Variants in ACAD9 observed in about 807,000 individuals in gnomAD.
The protein encoded by ACAD9 is complex I assembly factor ACAD9, mitochondrial.
A neutral mutation model predicts 70.2 loss-of-function variants in ACAD9; 53 were observed. That is an observed-to-expected ratio of 0.75 (90% CI 0.61 to 0.95). The LOEUF (loss-of-function observed/expected upper bound fraction) is 0.95, where lower values mean the gene tolerates loss of function less well. Ranked by LOEUF, ACAD9 falls within the 40% of genes least tolerant of loss-of-function variation. ACAD9 has a pLI of 0.00. For synonymous variants in ACAD9, 313 were observed against 312.1 expected, an observed-to-expected ratio of 1.00 and a Z score of -0.03; for missense variants, 777 against 802.8, an observed-to-expected ratio of 0.97 and a Z score of 0.39.
intron 2 of ACAD9, among the ~76,000 whole-genome samples, chr3:128,886,670 T>C (rs936933314): frequency 1.9e-4 from 11 of 57,512 alleles, no homozygotes; most frequent in African/African-American, 1.7e-3. Context: ...ATCGCGCCAC[T>C]GCACTCCAGC....
chr3:128,888,810 T>TC (rs1296171899), intron 2 of ACAD9, among the ~76,000 whole-genome samples: 1 of 152,000 alleles, frequency 6.6e-6, no homozygotes, highest in Non-Finnish European at 1.5e-5. Flanking sequence ...CTGCTTTTTT[T>TC]CCTAGTGTTT....
At chr3:128,911,045 GTGTATGTATGTA>G (rs531719665) in intron 17 of ACAD9, among the ~76,000 whole-genome samples, 3 of 152,282 alleles carry the variant, frequency 2.0e-5, no homozygotes, top group Non-Finnish European at 2.9e-5. Flanking sequence ...ATGTGTGTGT[GTGTATGTATGTA>G]TGTATGTATT....
intron 2 of ACAD9, among the ~76,000 whole-genome samples, chr3:128,891,934 T>C (rs1935432604): frequency 1.3e-5 from 2 of 152,244 alleles, no homozygotes; most frequent in South Asian, 4.1e-4. Context: ...GGATAAACAG[T>C]TGTACACCCA....
chr3:128,909,574 T>A, intron 15 of ACAD9, 153 bp downstream of exon 15: 5 of 831,300 alleles, frequency 6.0e-6, no homozygotes, highest in South Asian at 1.5e-5. Flanking sequence ...CAGGCTGACT[T>A]TGTCAGCCTG....
Position 128,879,826 on chromosome 3 carries a change from A to G in ACAD9, c.135A>G (p.Leu45=). ...PVRAFAKELF[L]GKIKKKEVFP... is the part of the protein sequence containing the mutation. ...GAGCTTTCGCCAAAGAGCTTTTCCT[A>G]GGCAAAATCAAGAAGGTAACGCGAG... The change falls in exon 1 of 18, where the codon CTA becomes CTG. Residue 45 remains leucine, a synonymous_variant. Transcript: ENST00000308982. 1.2e-6 allele frequency: 2 copies of G among 1,614,006 alleles called. No homozygotes were observed. The highest frequency in any genetic ancestry group is 8.5e-7 in the Non-Finnish European group (1 of 1,179,996).
At chr3:128,907,302 G>A (rs1202728336) in intron 12 of ACAD9, among the ~76,000 whole-genome samples, 3 of 152,098 alleles carry the variant, frequency 2.0e-5, no homozygotes, top group Non-Finnish European at 2.9e-5. Flanking sequence ...GTGGACATAC[G>A]GGGCAAGGGC....
intron 8 of ACAD9, 56 bp downstream of exon 8, chr3:128,901,405 G>A (rs951284389): frequency 1.3e-5 from 20 of 1,589,922 alleles, no homozygotes; most frequent in Middle Eastern, 1.7e-4. Context: ...GCAGTTTGTC[G>A]CCCCCAGCTT....
At chr3:128,899,261 T>A (rs754854266) in intron 6 of ACAD9, 26 bp from the exon 7 acceptor site, 1 of 1,613,772 alleles carries the variant, frequency 6.2e-7, no homozygotes, top group Admixed American at 1.7e-5. Context: ...TTTGGTTTTC[T>A]CCAAAGTCCA....
intron 13 of ACAD9, chr3:128,908,767 T>A: frequency 2.8e-6 from 2 of 704,302 alleles, no homozygotes; most frequent in Non-Finnish European, 4.8e-6. Flanking sequence ...CCACCCCTCA[T>A]GGGGGAGCAT....
rs776862504 is a variant in ACAD9, at chr3:128,902,103, C to T, written c.883-450C>T. 3.3e-5 allele frequency among the ~76,000 whole-genome samples: 5 copies of T among 152,228 alleles called. No homozygotes were observed. The highest frequency in any genetic ancestry group is 7.2e-5 in the African/African-American group (3 of 41,458). On this transcript the variant is annotated intron_variant, in intron 8 of 17. Transcript: ENST00000308982. The surrounding 1 kb of genome is among the most constrained non-coding windows in gnomAD (Gnocchi z 4.0). The stretch of plus-strand genomic sequence containing the variant: ...AGATACCACATTTTGTTCATCCATT[C>T]ACCAGCTGATGGACATTGGGGTTGT...
Position 128,912,916 on chromosome 3 carries a change from C to A in ACAD9, c.*309C>A, listed in dbSNP as rs1314719136. The A allele has an allele frequency of 7.3e-6, 4 of 551,546 alleles. No individual in the cohort carries two copies. Among genetic ancestry groups the A allele is most frequent in the Non-Finnish European group, 1.4e-5 (4 of 285,240 alleles). The allele number at this position is 551,546 out of a possible 1,614,324, so 34.2% of individuals were successfully genotyped here. A position where few individuals can be genotyped will look rare whatever the true frequency, so the allele number is the denominator to read the frequency against. On this transcript the variant is annotated 3_prime_UTR_variant, in exon 18 of 18. Coordinates refer to ENST00000308982, the MANE Select transcript of ACAD9 (RefSeq NM_014049.5). Reference sequence around the variant, plus strand: ...ACCATAGTGGAAACTGGGGCTTATGCTGCTGCCTCCAGGGTGTGAGGTGGG... The same window carrying A: ...ACCATAGTGGAAACTGGGGCTTATGATGCTGCCTCCAGGGTGTGAGGTGGG...
intron 15 of ACAD9, 177 bp from the exon 16 acceptor site, chr3:128,909,844 G>A (rs1200291333): frequency 3.1e-5 from 27 of 871,822 alleles, no homozygotes; most frequent in Non-Finnish European, 4.7e-5. Flanking sequence ...CAAAGAGAAG[G>A]GAAAACAGAA....
At chr3:128,890,354 C>A (rs1315691341) in intron 2 of ACAD9, among the ~76,000 whole-genome samples, 1 of 151,898 alleles carries the variant, frequency 6.6e-6, no homozygotes, top group South Asian at 2.1e-4. Flanking sequence ...CCATAGTGCT[C>A]GGATTACAGG....
At chr3:128,887,952 GAC>G (rs1935302259) in intron 2 of ACAD9, among the ~76,000 whole-genome samples, 1 of 152,174 alleles carries the variant, frequency 6.6e-6, no homozygotes, top group East Asian at 1.9e-4. Context: ...GTCATCTGGA[GAC>G]ACAGAAAAAT....
intron 15 of ACAD9, chr3:128,909,679 C>T (rs570044993): frequency 8.0e-5 from 48 of 602,482 alleles, no homozygotes; most frequent in African/African-American, 6.5e-4. Context: ...TCCCTAGAAT[C>T]GGGAGGGCAG....
At chr3:128,898,332 G>A in intron 6 of ACAD9, 1 of 425,936 alleles carries the variant, frequency 2.3e-6, no homozygotes, top group South Asian at 1.7e-5. Context: ...CTAAAAGACA[G>A]GAGTTTTTTT....
intron 7 of ACAD9, among the ~76,000 whole-genome samples, 159 bp downstream of exon 7, chr3:128,899,620 C>T (rs1452149761): frequency 6.6e-6 from 1 of 151,922 alleles, no homozygotes; most frequent in Non-Finnish European, 1.5e-5. Context: ...GAGATTTAAA[C>T]ACTTTCAGTT....
intron 17 of ACAD9, among the ~76,000 whole-genome samples, chr3:128,912,214 C>T (rs936694925): frequency 6.6e-6 from 1 of 152,188 alleles, no homozygotes; most frequent in Non-Finnish European, 1.5e-5. Flanking sequence ...GGTTTCTCCT[C>T]CAGTGGGCTG....
chr3:128,905,897 TAGGGTGAAGGC>T (rs1935873533), intron 11 of ACAD9, among the ~76,000 whole-genome samples: 1 of 152,000 alleles, frequency 6.6e-6, no homozygotes, highest in South Asian at 2.1e-4. Flanking sequence ...CAGGTGCAGA[TAGGGTGAAGGC>T]AGGCCCAGAG....
Sources: allele counts gnomAD v4.1 joint callset (sites outside exome capture counted in the v4.1 genomes callset), GRCh38; gene constraint gnomAD v4.1.1; non-coding constraint Gnocchi (gnomAD v3.1); transcripts MANE v1.5; gene names NCBI Gene and HGNC (gene_info 2026-07-23, HGNC 2026-07-21).